MYO3B: variants seen among roughly 807,000 people sequenced by gnomAD.
The protein encoded by MYO3B is myosin-IIIb.
A neutral mutation model predicts 174.6 loss-of-function variants in MYO3B; 156 were observed. The ratio of observed to expected loss-of-function variants is 0.89; its 90% CI spans 0.78 to 1.02. The LOEUF (loss-of-function observed/expected upper bound fraction) is 1.02, where lower values mean the gene tolerates loss of function less well. Ranked by LOEUF, MYO3B falls within the 50% of genes least tolerant of loss-of-function variation. The pLI is 0.00. For missense variants in MYO3B, 1,632 were observed against 1,639.4 expected, an observed-to-expected ratio of 1.00 and a Z score of 0.08; for synonymous variants, 563 against 569.1, an observed-to-expected ratio of 0.99 and a Z score of 0.15.
At chr2:170,399,405 C>T (rs13405074) in intron 16 of MYO3B, among the ~76,000 whole-genome samples, 2,680 of 150,036 alleles carry the variant, frequency 0.018, 67 homozygotes, top group African/African-American at 0.062. Context: ...ACCCGGGAGG[C>T]AGAGGTTGCA....
At chr2:170,633,160 C>T (rs553540083) in intron 32 of MYO3B, among the ~76,000 whole-genome samples, 2 of 152,340 alleles carry the variant, frequency 1.3e-5, no homozygotes, top group East Asian at 3.9e-4. Flanking sequence ...CTGGCAGAGA[C>T]ACAACAAAAC....
At chr2:170,272,381 C>T (rs1261585794) in intron 7 of MYO3B, among the ~76,000 whole-genome samples, 3 of 152,154 alleles carry the variant, frequency 2.0e-5, no homozygotes, top group African/African-American at 7.2e-5. Context: ...CTGGAGCAGT[C>T]CCCAGCTGGT....
chr2:170,572,170 C>T (rs1575182232), intron 32 of MYO3B, among the ~76,000 whole-genome samples: 1 of 152,118 alleles, frequency 6.6e-6, no homozygotes, highest in African/African-American at 2.4e-5. Context: ...TGGCTCACGC[C>T]TGTAATCCCA....
At chr2:170,391,059 T>A (rs1413781307) in intron 14 of MYO3B, among the ~76,000 whole-genome samples, 1 of 152,100 alleles carries the variant, frequency 6.6e-6, no homozygotes, top group Non-Finnish European at 1.5e-5. Flanking sequence ...GAATACCAGC[T>A]TGGGAGAGTG....
chr2:170,178,691 A>G (rs577826302), intron 1 of MYO3B, among the ~76,000 whole-genome samples: 10 of 152,130 alleles, frequency 6.6e-5, no homozygotes, highest in Non-Finnish European at 2.9e-5. Flanking sequence ...CTTGAGGCCA[A>G]ATTGAAGGGC....
Position 170,223,676 on chromosome 2 carries a change from G to A in MYO3B, c.603+6281G>A, listed in dbSNP as rs2092923985. 2.0e-5 allele frequency among the ~76,000 whole-genome samples: 3 copies of A among 152,302 alleles called. No homozygotes were observed. The South Asian group carries it at 6.2e-4, about 32-fold the overall frequency. ...CTATAGCAAAAGGGATACAAGCCTA[G>A]TTTATGTTGATTAATGGTAATGGCA... On this transcript the variant is annotated intron_variant, in intron 6 of 34. Coordinates refer to ENST00000408978, the MANE Select transcript of MYO3B (RefSeq NM_138995.5).
intron 30 of MYO3B, 32 bp downstream of exon 30, chr2:170,519,572 TA>T (rs755051081): frequency 6.7e-7 from 1 of 1,501,990 alleles, no homozygotes; most frequent in Non-Finnish European, 9.3e-7. Context: ...TTCCCTGTTG[TA>T]AACTCAGGTG....
intron 22 of MYO3B, among the ~76,000 whole-genome samples, chr2:170,433,646 C>A (rs1337057918): frequency 6.6e-6 from 1 of 152,204 alleles, no homozygotes; most frequent in Non-Finnish European, 1.5e-5. Flanking sequence ...CAGTTCTTAT[C>A]TCAGACATGT....
At chr2:170,430,703 C>A (rs1226085935) in intron 22 of MYO3B, among the ~76,000 whole-genome samples, 1 of 152,138 alleles carries the variant, frequency 6.6e-6, no homozygotes, top group Non-Finnish European at 1.5e-5. Flanking sequence ...AACATCTCAC[C>A]TGAGTGAATT....
chr2:170,551,743 G>T (rs1462564653), intron 32 of MYO3B, among the ~76,000 whole-genome samples: 1 of 152,004 alleles, frequency 6.6e-6, no homozygotes, highest in Non-Finnish European at 1.5e-5. Flanking sequence ...TGACTGATAT[G>T]GTTTAGCTCT....
intron 32 of MYO3B, among the ~76,000 whole-genome samples, chr2:170,598,630 T>A (rs1694298280): frequency 6.6e-6 from 1 of 152,138 alleles, no homozygotes; most frequent in Non-Finnish European, 1.5e-5. Flanking sequence ...TGAGACCACA[T>A]GTGGTCTACC....
chr2:170,507,240 C>T (rs368243228), intron 28 of MYO3B, among the ~76,000 whole-genome samples: 8 of 152,028 alleles, frequency 5.3e-5, no homozygotes, highest in African/African-American at 1.7e-4. Context: ...GCAAACTAGC[C>T]CTCCCCATCC....
intron 7 of MYO3B, among the ~76,000 whole-genome samples, chr2:170,278,179 G>C (rs1031904429): frequency 2.0e-5 from 3 of 152,164 alleles, no homozygotes. Context: ...TATGGCGATA[G>C]TGACATCAGT....
intron 7 of MYO3B, among the ~76,000 whole-genome samples, chr2:170,245,306 A>G (rs1223576416): frequency 6.6e-6 from 1 of 152,184 alleles, no homozygotes; most frequent in Non-Finnish European, 1.5e-5. Context: ...AAGAGCCGTG[A>G]GTTTAATAGC....
intron 7 of MYO3B, among the ~76,000 whole-genome samples, chr2:170,316,176 A>G (rs1445339414): frequency 1.3e-5 from 2 of 152,250 alleles, no homozygotes; most frequent in African/African-American, 2.4e-5. Flanking sequence ...ATGCATATAG[A>G]CACATATAAA....
intron 32 of MYO3B, among the ~76,000 whole-genome samples, chr2:170,551,479 G>A (rs1347806101): frequency 1.7e-5 from 2 of 116,620 alleles, no homozygotes; most frequent in African/African-American, 6.7e-5. Context: ...CATGTGATTC[G>A]TTCTTACATA....
intron 6 of MYO3B, among the ~76,000 whole-genome samples, chr2:170,233,433 C>G (rs1255663696): frequency 1.3e-5 from 2 of 152,104 alleles, no homozygotes; most frequent in Non-Finnish European, 2.9e-5. Context: ...CTTACACTTT[C>G]GAAAGTGTCA....
chr2:170,347,985 C>T (rs2094030404), intron 8 of MYO3B: 1 of 152,118 alleles, frequency 6.6e-6, no homozygotes, highest in South Asian at 2.1e-4. Context: ...TGGAATCATA[C>T]AATAGGTGAC....
intron 31 of MYO3B, 146 bp downstream of exon 31, chr2:170,543,112 A>C: frequency 6.0e-6 from 4 of 667,284 alleles, no homozygotes; most frequent in Non-Finnish European, 1.0e-5. Context: ...TTTGAGACAA[A>C]AGCCCAGCTT....
Sources: gnomAD v4.1 joint callset for allele counts (sites outside exome capture counted in the v4.1 genomes callset) on GRCh38, gnomAD v4.1.1 for gene constraint, MANE v1.5 for transcripts, NCBI Gene and HGNC (gene_info 2026-07-23, HGNC 2026-07-21) for gene names.